EMSY: variants seen among roughly 807,000 people sequenced by gnomAD.
The protein encoded by EMSY is EMSY transcriptional repressor, BRCA2 interacting.
EMSY carries 26 observed loss-of-function variants against 134.6 expected under a neutral mutation model. The observed-to-expected ratio is 0.19, with a 90% CI of 0.14 to 0.27. The LOEUF (loss-of-function observed/expected upper bound fraction) is 0.27. Among genes scored for constraint, EMSY ranks in the 10% least tolerant of loss-of-function variants. The pLI is 1.00. For missense variants in EMSY, 1,305 were observed against 1,611.4 expected, an observed-to-expected ratio of 0.81 and a Z score of 3.26; for synonymous variants, 579 against 577.8, an observed-to-expected ratio of 1.00 and a Z score of -0.03.
intron 2 of EMSY, among the ~76,000 whole-genome samples, chr11:76,448,387 A>G (rs921491661): frequency 1.3e-5 from 2 of 151,950 alleles, no homozygotes; most frequent in African/African-American, 4.8e-5. Context: ...CTACACTTGC[A>G]TACAATTAAT....
At chr11:76,467,290 G>C (rs556389266) in intron 7 of EMSY, among the ~76,000 whole-genome samples, 1 of 152,244 alleles carries the variant, frequency 6.6e-6, no homozygotes, top group South Asian at 2.1e-4. Flanking sequence ...TTTGTTGCTG[G>C]ATCTTATTTT....
chr11:76,465,985 C>T (rs936485252), intron 7 of EMSY, among the ~76,000 whole-genome samples: 8 of 152,088 alleles, frequency 5.3e-5, no homozygotes, highest in Non-Finnish European at 8.8e-5. Flanking sequence ...TCTCCTGCCT[C>T]GAGTAATATA....
chr11:76,520,090 G>A (rs968823158), intron 11 of EMSY, among the ~76,000 whole-genome samples: 1 of 152,008 alleles, frequency 6.6e-6, no homozygotes, highest in African/African-American at 2.4e-5. Context: ...TCAATGTAAT[G>A]TATTTATCCC....
intron 11 of EMSY, chr11:76,516,805 CTTTAG>C (rs1950465562): frequency 6.6e-6 from 1 of 152,130 alleles, no homozygotes; most frequent in African/African-American, 2.4e-5. Flanking sequence ...ACTGATGTCA[CTTTAG>C]TTTATTAAAA....
chr11:76,477,392 G>C (rs970241537), intron 8 of EMSY, among the ~76,000 whole-genome samples: 2 of 151,330 alleles, frequency 1.3e-5, no homozygotes, highest in African/African-American at 4.8e-5. Flanking sequence ...ACAAAATCAG[G>C]TATGTTCTGA....
chr11:76,466,576 G>A (rs1342533374), intron 7 of EMSY, among the ~76,000 whole-genome samples: 2 of 152,088 alleles, frequency 1.3e-5, no homozygotes, highest in African/African-American at 4.8e-5. Flanking sequence ...TTCAACCTTT[G>A]AATCTTTACT....
At chr11:76,469,136 C>G (rs1948474288) in intron 7 of EMSY, among the ~76,000 whole-genome samples, 1 of 152,136 alleles carries the variant, frequency 6.6e-6, no homozygotes, top group Non-Finnish European at 1.5e-5. Flanking sequence ...ACTCTAGATT[C>G]ATTTTGCTGA....
chr11:76,490,669 G>C (rs1047077007), intron 8 of EMSY, among the ~76,000 whole-genome samples: 1 of 152,012 alleles, frequency 6.6e-6, no homozygotes, highest in Non-Finnish European at 1.5e-5. Context: ...CTTCAAACTG[G>C]TGATTTTCTT....
At chr11:76,462,291 T>C (rs1195267448) in intron 6 of EMSY, among the ~76,000 whole-genome samples, 1 of 152,168 alleles carries the variant, frequency 6.6e-6, no homozygotes, top group Non-Finnish European at 1.5e-5. Flanking sequence ...ATCTCAAACA[T>C]GAAGAAACTA....
At chr11:76,520,124 GA>G (rs1375403612) in intron 11 of EMSY, among the ~76,000 whole-genome samples, 3 of 151,906 alleles carry the variant, frequency 2.0e-5, no homozygotes, top group Non-Finnish European at 4.4e-5. Context: ...ATGTTCACTA[GA>G]ATTTCAGAAA....
intron 7 of EMSY, among the ~76,000 whole-genome samples, chr11:76,464,766 G>A (rs191729123): frequency 2.0e-5 from 3 of 152,296 alleles, no homozygotes; most frequent in East Asian, 1.9e-4. Flanking sequence ...GCTACCTGGT[G>A]TATGGGTGGA....
chr11:76,461,381 A>AT (rs1051366478), intron 6 of EMSY, among the ~76,000 whole-genome samples: 1 of 152,122 alleles, frequency 6.6e-6, no homozygotes, highest in African/African-American at 2.4e-5. Context: ...TAGGGGTTAT[A>AT]TTTTATTACT....
intron 18 of EMSY, among the ~76,000 whole-genome samples, chr11:76,543,641 C>A (rs1371593316): frequency 1.3e-5 from 2 of 152,236 alleles, no homozygotes; most frequent in Non-Finnish European, 2.9e-5. Flanking sequence ...GTCCCCTCCT[C>A]AGTCTCCTTC....
intron 14 of EMSY, among the ~76,000 whole-genome samples, chr11:76,530,285 G>A (rs1284085651): frequency 2.7e-5 from 4 of 148,336 alleles, no homozygotes; most frequent in Non-Finnish European, 4.4e-5. Context: ...TCAGCCTCCC[G>A]AGTAGCTGGT....
chr11:76,529,307 C>A (rs1263887905), intron 14 of EMSY, among the ~76,000 whole-genome samples: 1 of 152,132 alleles, frequency 6.6e-6, no homozygotes, highest in Admixed American at 6.6e-5. Context: ...TCTCTGCCTT[C>A]CCATTATCCT....
In EMSY at chr11:76,485,561, C is replaced by T. The variant is rs892490060; in HGVS notation, c.1109-10654C>T. 2.6e-5 allele frequency among the ~76,000 whole-genome samples: 4 copies of T among 152,134 alleles called. No homozygotes were observed. In the East Asian group the frequency reaches 7.7e-4, roughly 29 times the overall value. ...GGAACGTACCTCAAAATAATAAGAG[C>T]TATTTATCACAAACCCACAGCCAAT... On this transcript the variant is annotated intron_variant, in intron 8 of 20. Transcript: ENST00000334736.
chr11:76,471,315 CTTTGT>C (rs994507284), intron 7 of EMSY, among the ~76,000 whole-genome samples: 24 of 152,216 alleles, frequency 1.6e-4, no homozygotes, highest in African/African-American at 5.8e-4. Context: ...TTCTCATTCT[CTTTGT>C]TTTGTTTTTT....
intron 20 of EMSY, chr11:76,547,102 T>G: frequency 2.2e-6 from 1 of 453,528 alleles, no homozygotes; most frequent in South Asian, 1.6e-5. Flanking sequence ...CCTTGCAAGG[T>G]ATCAGGTTGT....
exon 10 of EMSY, chr11:76,513,502 A>G (rs201227585): frequency 1.4e-4 from 223 of 1,613,550 alleles, no homozygotes; most frequent in Middle Eastern, 1.3e-3. Context: ...TAATGGTGCA[A>G]TTATGACAAC....
Sources: gnomAD v4.1 joint callset for allele counts (sites outside exome capture counted in the v4.1 genomes callset) on GRCh38, gnomAD v4.1.1 for gene constraint, MANE v1.5 for transcripts, NCBI Gene and HGNC (gene_info 2026-07-23, HGNC 2026-07-21) for gene names.